CDC42BPB: variants seen among roughly 807,000 people sequenced by gnomAD.
CDC42BPB encodes the protein serine/threonine-protein kinase MRCK beta.
In CDC42BPB, 37 loss-of-function variants were observed where a neutral mutation model predicts 214.9. That is an observed-to-expected ratio of 0.17 (90% CI 0.13 to 0.23). The LOEUF (loss-of-function observed/expected upper bound fraction) is 0.23, where lower values mean the gene tolerates loss of function less well. Ranked by LOEUF, CDC42BPB falls within the 10% of genes least tolerant of loss-of-function variation. The pLI is 1.00. For missense variants in CDC42BPB, 1,694 were observed against 2,227.0 expected (o/e 0.76, Z 4.82); for synonymous variants, 931 against 884.0 (o/e 1.05, Z -0.94).
At chr14:102,949,655 C>T in intron 26 of CDC42BPB, 110 bp downstream of exon 26, 2 of 1,372,424 alleles carry the variant, frequency 1.5e-6, no homozygotes, top group Non-Finnish European at 1.0e-6. Flanking sequence ...AATAATGAAG[C>T]AGGTGAAGTA....
intron 1 of CDC42BPB, among the ~76,000 whole-genome samples, chr14:103,048,361 T>C (rs1888410717): frequency 6.6e-6 from 1 of 151,540 alleles, no homozygotes; most frequent in Non-Finnish European, 1.5e-5. Context: ...CTGGCCAACA[T>C]GGTGAAACCC....
chr14:102,963,388 A>G, intron 19 of CDC42BPB: 1 of 604,734 alleles, frequency 1.7e-6, no homozygotes, highest in Non-Finnish European at 2.1e-6. Flanking sequence ...GGCGTGTCTC[A>G]TGAAGGCCTA....
At chr14:103,019,995 C>A (rs1228066613) in intron 1 of CDC42BPB, among the ~76,000 whole-genome samples, 1 of 152,228 alleles carries the variant, frequency 6.6e-6, no homozygotes, top group African/African-American at 2.4e-5. Context: ...ATGAGACCAG[C>A]TGGAAGGAGT....
chr14:102,946,967 G>T, intron 27 of CDC42BPB: 1 of 510,110 alleles, frequency 2.0e-6, no homozygotes, highest in Non-Finnish European at 2.5e-6. Context: ...CTTTAAATCT[G>T]CTTTCTTGAA....
intron 1 of CDC42BPB, among the ~76,000 whole-genome samples, chr14:103,040,183 T>G (rs1213832332): frequency 6.6e-6 from 1 of 152,072 alleles, no homozygotes; most frequent in Admixed American, 6.6e-5. Context: ...GGTGAAACCC[T>G]GTCTGTACTA....
In CDC42BPB at chr14:102,965,068, G is replaced by A. The variant is rs1279940943; in HGVS notation, c.2578-418C>T. Among the ~76,000 whole-genome samples the A allele has an allele frequency of 6.6e-5, 10 of 152,086 alleles. 1 individual carries two copies. Among genetic ancestry groups the A allele is most frequent in the Non-Finnish European group, 1.3e-4 (9 of 68,008 alleles). ...AGCCTCTCCAGTAGCCAGTAGCTGG[G>A]ATTACAGGTGCCGCACCACCATGCC... is the stretch of plus-strand genomic sequence containing the variant. On this transcript the variant is annotated intron_variant, in intron 18 of 36. Coordinates refer to ENST00000361246, the MANE Select transcript of CDC42BPB (RefSeq NM_006035.4).
In CDC42BPB at chr14:102,946,013, T is replaced by C. The variant is rs530420955; in HGVS notation, c.3749-289A>G. On this transcript the variant is annotated intron_variant, in intron 28 of 36. Coordinates refer to ENST00000361246, the MANE Select transcript of CDC42BPB (RefSeq NM_006035.4). The stretch of plus-strand genomic sequence containing the variant: ...CCAACTGTACTGTCCGCACAGGTCA[T>C]CTGCTTTTTTTTTGAGACGGAGTCT... Among the ~76,000 whole-genome samples, 94 of 151,988 alleles carry C rather than the reference T, an allele frequency of 6.2e-4. 1 individual carries two copies. Among genetic ancestry groups the C allele is most frequent in the African/African-American group, 2.1e-3 (86 of 41,462 alleles).
At chr14:103,016,029 T>G (rs1408297989) in intron 1 of CDC42BPB, among the ~76,000 whole-genome samples, 1 of 152,070 alleles carries the variant, frequency 6.6e-6, no homozygotes, top group East Asian at 1.9e-4. Flanking sequence ...GCTGGAATTT[T>G]TAAAACTTAG....
At chr14:102,998,334 G>A (rs1003968955) in intron 5 of CDC42BPB, among the ~76,000 whole-genome samples, 1 of 152,200 alleles carries the variant, frequency 6.6e-6, no homozygotes. Flanking sequence ...CATGAAGGCA[G>A]ATGCTGGAAA....
At chr14:102,981,731 CGT>C (rs1429574738) in intron 7 of CDC42BPB, among the ~76,000 whole-genome samples, 1 of 152,114 alleles carries the variant, frequency 6.6e-6, no homozygotes, top group African/African-American at 2.4e-5. Context: ...GAGCCAAGAT[CGT>C]GCCACTGCAC....
In CDC42BPB at chr14:102,989,951, A is replaced by G. The variant is rs563932334; in HGVS notation, c.597-3371T>C. Among the ~76,000 whole-genome samples, 12 of 152,296 alleles carry G rather than the reference A, an allele frequency of 7.9e-5. 1 individual carries two copies. The highest frequency in any genetic ancestry group is 2.4e-4 in the African/African-American group (10 of 41,558). ...CATCACTAAAGTTTTTAAAGGTATC[A>G]CCTTTTGCTTAACAAAGGATAAACA... On this transcript the variant is annotated intron_variant, in intron 5 of 36. Coordinates refer to ENST00000361246, the MANE Select transcript of CDC42BPB (RefSeq NM_006035.4).
At position 103,004,131 on chromosome 14, in the gene CDC42BPB, C is replaced by T; in HGVS notation, c.352-108G>A. On this transcript the variant is annotated intron_variant, in intron 3 of 36. Coordinates refer to ENST00000361246, the MANE Select transcript of CDC42BPB (RefSeq NM_006035.4). This position sits in a 1 kb window ranked among gnomAD's most constrained non-coding sequence, Gnocchi z 5.3. Reference sequence around the variant, plus strand: ...GGACAGTGGCTCCAGCCACGGTGTCCCTGCCTTCCGGGCTCCTCCTCGTGC... The same window carrying T: ...GGACAGTGGCTCCAGCCACGGTGTCTCTGCCTTCCGGGCTCCTCCTCGTGC... The T allele has an allele frequency of 7.1e-7, 1 of 1,416,438 alleles. No homozygotes were observed. The highest frequency in any genetic ancestry group is 9.3e-7 in the Non-Finnish European group (1 of 1,079,712). 87.7% of individuals were successfully genotyped at this position (1,416,438 alleles called of 1,614,324 possible).
At chr14:102,949,076 G>A (rs554318302) in intron 26 of CDC42BPB, among the ~76,000 whole-genome samples, 71 of 152,210 alleles carry the variant, frequency 4.7e-4, no homozygotes, top group Non-Finnish European at 9.4e-4. Context: ...AACAGACGGT[G>A]CACGGGCACA....
intron 1 of CDC42BPB, among the ~76,000 whole-genome samples, chr14:103,032,212 C>T (rs912592099): frequency 2.6e-5 from 4 of 152,076 alleles, no homozygotes; most frequent in South Asian, 2.1e-4. Flanking sequence ...TGCCCACCCA[C>T]GAGGACCAAG....
chr14:103,035,903 G>A (rs1444883254), intron 1 of CDC42BPB, among the ~76,000 whole-genome samples: 1 of 151,894 alleles, frequency 6.6e-6, no homozygotes, highest in Non-Finnish European at 1.5e-5. Context: ...TAATACACCA[G>A]CACTTTGGAA....
chr14:102,991,175 C>T (rs1250644251), intron 5 of CDC42BPB, among the ~76,000 whole-genome samples: 1 of 152,162 alleles, frequency 6.6e-6, no homozygotes, highest in Admixed American at 6.5e-5. Flanking sequence ...ATGGGTTTAT[C>T]ACCACCAAGG....
chr14:103,032,268 C>T (rs1352564158), intron 1 of CDC42BPB, among the ~76,000 whole-genome samples: 1 of 152,128 alleles, frequency 6.6e-6, no homozygotes, highest in Non-Finnish European at 1.5e-5. Flanking sequence ...TGCAACCCCG[C>T]GTGGGTGCAC....
intron 26 of CDC42BPB, among the ~76,000 whole-genome samples, chr14:102,948,808 CCT>C (rs889331932): frequency 6.6e-5 from 10 of 151,900 alleles, no homozygotes; most frequent in East Asian, 3.9e-4. Context: ...CGATGGGGCC[CCT>C]GACTTGGGCT....
intron 31 of CDC42BPB, 21 bp from the exon 32 acceptor site, chr14:102,940,151 G>C: frequency 6.2e-7 from 1 of 1,614,070 alleles, no homozygotes; most frequent in Non-Finnish European, 8.5e-7. Context: ...AACCAGGGAG[G>C]GACAGTAAGC....
Sources: gnomAD v4.1 joint callset for allele counts (sites outside exome capture counted in the v4.1 genomes callset) on GRCh38, gnomAD v4.1.1 for gene constraint, Gnocchi (gnomAD v3.1) non-coding constraint, MANE v1.5 for transcripts, NCBI Gene and HGNC (gene_info 2026-07-23, HGNC 2026-07-21) for gene names.